The following ARIH2 variants were observed in gnomAD, a reference collection of about 807,000 sequenced individuals.
The protein encoded by ARIH2 is E3 ubiquitin-protein ligase ARIH2.
Under a neutral mutation model 79.8 loss-of-function variants are expected in ARIH2, and 12 were observed. The ratio of observed to expected loss-of-function variants is 0.15; its 90% confidence interval spans 0.10 to 0.24. The LOEUF is 0.24. Among genes scored for constraint, ARIH2 ranks in the 10% least tolerant of loss-of-function variants. The pLI is 1.00. For synonymous variants in ARIH2, 224 were observed against 213.9 expected (o/e 1.05, Z -0.41); for missense variants, 301 against 618.3 (o/e 0.49, Z 5.44).
chr3:48,942,806 C>T (rs1350179029), intron 3 of ARIH2, among the ~76,000 whole-genome samples: 1 of 152,072 alleles, frequency 6.6e-6, no homozygotes, highest in East Asian at 1.9e-4. Context: ...CACGTGCCAC[C>T]ACACCCAGCT....
In ARIH2 at chr3:48,965,001, A is replaced by C. The variant is rs775840192; in HGVS notation, c.387+19A>C. 1 of 1,608,492 alleles carries C rather than the reference A, an allele frequency of 6.2e-7. No homozygotes were observed. The highest frequency in any genetic ancestry group is 8.5e-7 in the Non-Finnish European group (1 of 1,175,522). On this transcript the variant is annotated intron_variant, in intron 5 of 15. Transcript: ENST00000356401. ...AAAACATGTGAGTGTCTATTACTTGAATGAGGCTTCTCCTAATTGCATGTG... is the reference window on the plus strand; with the variant it reads ...AAAACATGTGAGTGTCTATTACTTGCATGAGGCTTCTCCTAATTGCATGTG...
intron 1 of ARIH2, chr3:48,919,477 C>A: frequency 4.0e-6 from 1 of 247,418 alleles, no homozygotes; most frequent in Non-Finnish European, 7.7e-6. Context: ...TGTGCCGCCG[C>A]CTCGCCAGAA....
intron 11 of ARIH2, among the ~76,000 whole-genome samples, chr3:48,976,241 TCTG>T (rs1392255976): frequency 6.6e-6 from 1 of 150,782 alleles, no homozygotes; most frequent in African/African-American, 2.4e-5. Flanking sequence ...AAGATGGAGT[TCTG>T]CTCTTGTCGC....
chr3:48,974,740 G>T (rs1291897413), intron 9 of ARIH2, 77 bp from the exon 10 acceptor site: 3 of 1,490,796 alleles, frequency 2.0e-6, no homozygotes, highest in Non-Finnish European at 2.8e-6. Context: ...GGGCACAGGT[G>T]CCAGGAGCTT....
At chr3:48,953,220 G>T (rs994465825) in intron 3 of ARIH2, among the ~76,000 whole-genome samples, 2 of 151,600 alleles carry the variant, frequency 1.3e-5, no homozygotes, top group African/African-American at 4.8e-5. Flanking sequence ...GTAAGCCACC[G>T]CGCCTGGCCA....
chr3:48,974,347 C>G (rs565759449), intron 9 of ARIH2, among the ~76,000 whole-genome samples: 1 of 152,316 alleles, frequency 6.6e-6, no homozygotes, highest in African/African-American at 2.4e-5. Flanking sequence ...ATCACAGCAT[C>G]AGACTGGTGT....
intron 3 of ARIH2, among the ~76,000 whole-genome samples, chr3:48,928,505 C>T (rs570312579): frequency 7.4e-4 from 113 of 152,274 alleles, no homozygotes; most frequent in African/African-American, 2.6e-3. Flanking sequence ...ATGTTTCCTT[C>T]TCTAACACTG....
chr3:48,929,773 C>A (rs542201510), intron 3 of ARIH2, among the ~76,000 whole-genome samples: 1 of 152,234 alleles, frequency 6.6e-6, no homozygotes, highest in Non-Finnish European at 1.5e-5. Context: ...TGCTTGGATA[C>A]TTGTGGATTT....
intron 3 of ARIH2, among the ~76,000 whole-genome samples, chr3:48,948,253 G>A (rs1273657157): frequency 4.6e-5 from 7 of 151,652 alleles, no homozygotes; most frequent in East Asian, 3.9e-4. Flanking sequence ...GAGCCACTGC[G>A]CCCGGCCTCC....
intron 7 of ARIH2, among the ~76,000 whole-genome samples, chr3:48,969,382 T>G (rs1413116273): frequency 6.6e-6 from 1 of 152,178 alleles, no homozygotes; most frequent in Middle Eastern, 3.2e-3. Flanking sequence ...ATTGGAAAAC[T>G]TGTCCAGGAT....
chr3:48,928,463 T>C (rs1162512591), intron 3 of ARIH2, among the ~76,000 whole-genome samples: 1 of 152,204 alleles, frequency 6.6e-6, no homozygotes, highest in Non-Finnish European at 1.5e-5. Context: ...ATTTACATTT[T>C]TTATGATCAT....
chr3:48,973,867 A>G, intron 9 of ARIH2, 51 bp downstream of exon 9: 1 of 1,385,130 alleles, frequency 7.2e-7, no homozygotes, highest in East Asian at 2.3e-5. Context: ...AGTGCTGCCC[A>G]GGGCCTTGCC....
intron 3 of ARIH2, among the ~76,000 whole-genome samples, chr3:48,957,435 G>A (rs1044696349): frequency 1.3e-5 from 2 of 152,206 alleles, no homozygotes; most frequent in African/African-American, 4.8e-5. Context: ...TGGGCTTTGT[G>A]GATCTGTGAG....
At chr3:48,957,902 G>A (rs1484899981) in intron 3 of ARIH2, among the ~76,000 whole-genome samples, 2 of 152,070 alleles carry the variant, frequency 1.3e-5, no homozygotes, top group Admixed American at 1.3e-4. Context: ...TTTTAGTAGC[G>A]ACGGGATGTC....
chr3:48,942,593 C>T (rs1487352897), intron 3 of ARIH2, among the ~76,000 whole-genome samples: 1 of 151,488 alleles, frequency 6.6e-6, no homozygotes, highest in African/African-American at 2.4e-5. Flanking sequence ...ATTCTCCTGC[C>T]TCAGTCTCCT....
At chr3:48,959,667 A>G (rs1336468967) in intron 3 of ARIH2, among the ~76,000 whole-genome samples, 5 of 151,042 alleles carry the variant, frequency 3.3e-5, no homozygotes, top group Admixed American at 2.0e-4. Context: ...AAAAAAAAAA[A>G]AAAAAAAAGA....
chr3:48,918,926 A>T lies in ARIH2; in HGVS notation c.-234A>T, dbSNP rs372287013. The stretch of plus-strand genomic sequence containing the variant: ...CCGCCTCCGCTGCCGCTTCGCCCCA[A>T]TCCGGTCCCTCTGGCCCGGCCTGAC... On this transcript the variant is annotated 5_prime_UTR_variant, in exon 1 of 16. Coordinates refer to ENST00000356401, the MANE Select transcript of ARIH2 (RefSeq NM_006321.4). The T allele has an allele frequency of 7.5e-6, 12 of 1,594,662 alleles. No individual in the cohort carries two copies. Among genetic ancestry groups the T allele is most frequent in the Middle Eastern group, 1.7e-4 (1 of 5,798 alleles).
intron 14 of ARIH2, among the ~76,000 whole-genome samples, 175 bp downstream of exon 14, chr3:48,981,903 G>A (rs1323535177): frequency 2.0e-5 from 3 of 152,054 alleles, no homozygotes; most frequent in East Asian, 3.9e-4. Context: ...TAGATCTCAG[G>A]TGCTATTATT....
rs184898420 is a variant in ARIH2, at chr3:48,934,361, T to C, written c.255+6548T>C. 6.2e-3 allele frequency: 5,738 copies of C among 927,404 alleles called. 36 individuals carry two copies. Among genetic ancestry groups the C allele is most frequent in the Admixed American group, 0.011 (177 of 16,190 alleles). The allele number at this position is 927,404 out of a possible 1,614,324, so 57.4% of individuals were successfully genotyped here. ...AAATCAATTTTCTTTTATTCTGATA[T>C]AGCTGAATTTTAAGATCATTCTATT... On this transcript the variant is annotated intron_variant, in intron 3 of 15. Coordinates refer to ENST00000356401, the MANE Select transcript of ARIH2 (RefSeq NM_006321.4).
Sources: allele counts gnomAD v4.1 joint callset (sites outside exome capture counted in the v4.1 genomes callset), GRCh38; gene constraint gnomAD v4.1.1; transcripts MANE v1.5; gene names NCBI Gene and HGNC (gene_info 2026-07-23, HGNC 2026-07-21).